The following NXN variants were observed in gnomAD, a reference collection of about 807,000 sequenced individuals.
The protein encoded by NXN is nucleoredoxin 1.
In NXN, 16 loss-of-function variants were observed where a neutral mutation model predicts 48.6. The ratio of observed to expected loss-of-function variants is 0.33; its 90% confidence interval spans 0.22 to 0.50. The LOEUF (loss-of-function observed/expected upper bound fraction) is 0.50. Ranked by LOEUF, NXN falls within the 20% of genes least tolerant of loss-of-function variation. NXN has a pLI of 0.98. For missense variants in NXN, 492 were observed against 605.5 expected (o/e 0.81, Z 1.97); for synonymous variants, 281 against 269.6 (o/e 1.04, Z -0.41).
chr17:804,251 G>T (rs942637934), intron 6 of NXN, among the ~76,000 whole-genome samples: 1 of 150,110 alleles, frequency 6.7e-6, no homozygotes, highest in African/African-American at 2.4e-5. Flanking sequence ...GGGAGGGGGT[G>T]AGGACTGTGG....
chr17:919,873 T>TC lies in NXN; in HGVS notation c.360+59445_360+59446insG, dbSNP rs1555622447. Reference sequence around the variant, plus strand: ...TAGCTACATAGCTACACCTCCCTCTTGTCACCTTGCAGACTGGTATTCACT... The same window carrying TC: ...TAGCTACATAGCTACACCTCCCTCTTCGTCACCTTGCAGACTGGTATTCACT... On this transcript the variant is annotated intron_variant, in intron 1 of 7. Coordinates refer to ENST00000336868, the MANE Select transcript of NXN (RefSeq NM_022463.5). This position sits in a 1 kb window ranked among gnomAD's most constrained non-coding sequence, Gnocchi z 5.1. Among the ~76,000 whole-genome samples the TC allele has an allele frequency of 2.0e-5, 3 of 152,110 alleles. No individual in the cohort carries two copies. The highest frequency in any genetic ancestry group is 4.4e-5 in the Non-Finnish European group (3 of 68,036).
At chr17:880,094 G>C (rs763968031) in intron 1 of NXN, 1 of 152,142 alleles carries the variant, frequency 6.6e-6, no homozygotes, top group African/African-American at 2.4e-5. Context: ...AAATAAAAAA[G>C]TGAGATCACA....
chr17:812,811 G>C (rs1410853119), intron 5 of NXN, among the ~76,000 whole-genome samples: 1 of 146,094 alleles, frequency 6.8e-6, no homozygotes, highest in African/African-American at 2.5e-5. Context: ...CGTGAGTGTA[G>C]GTGTGTGTGC....
chr17:841,151 C>T (rs143418543), intron 1 of NXN, among the ~76,000 whole-genome samples: 11 of 152,328 alleles, frequency 7.2e-5, no homozygotes, highest in East Asian at 3.9e-4. Flanking sequence ...ATCGTAGGCA[C>T]GAAGGGCTTG....
intron 1 of NXN, among the ~76,000 whole-genome samples, chr17:963,800 G>A (rs28379154): frequency 0.036 from 5,396 of 151,922 alleles, 312 homozygotes; most frequent in African/African-American, 0.12. Context: ...ATGCTGGGCC[G>A]GGCGCGGTGG....
intron 1 of NXN, among the ~76,000 whole-genome samples, chr17:865,306 G>T (rs935060538): frequency 2.0e-5 from 3 of 151,750 alleles, no homozygotes; most frequent in Non-Finnish European, 4.4e-5. Flanking sequence ...GCAATGGCAC[G>T]ATCTTGGCTC....
chr17:871,593 C>T (rs1267853813), intron 1 of NXN, among the ~76,000 whole-genome samples: 2 of 151,628 alleles, frequency 1.3e-5, no homozygotes, highest in Middle Eastern at 3.4e-3. Context: ...TTAGTAGAGA[C>T]GGGGTTTCAC....
At chr17:801,173 G>A in intron 7 of NXN, 42 bp from the exon 8 acceptor site, 1 of 1,459,432 alleles carries the variant, frequency 6.9e-7, no homozygotes, top group East Asian at 2.6e-5. Context: ...AAGTTTTAAA[G>A]AAAGGAGGGG....
chr17:954,072 G>T (rs928870936), intron 1 of NXN, among the ~76,000 whole-genome samples: 1 of 152,122 alleles, frequency 6.6e-6, no homozygotes, highest in Non-Finnish European at 1.5e-5. Flanking sequence ...TGAATAACTG[G>T]CATTAGACAC....
rs57208471 is a variant in NXN at position 959,793 on chromosome 17, TAA to T, written c.360+19524_360+19525del. 1.2e-3 allele frequency among the ~76,000 whole-genome samples: 167 copies of T among 136,174 alleles called. 2 individuals carry two copies. The highest frequency in any genetic ancestry group is 7.5e-3 in the South Asian group (32 of 4,240). 89.3% of individuals were successfully genotyped at this position (136,174 alleles called of 152,430 possible). A position where few individuals can be genotyped will look rare whatever the true frequency, so the allele number is the denominator to read the frequency against. ...TGGGGAACAAGAGCGAGACTCTGTA[TAA>T]AAAAAAAAAAAACAGGGCTGGGTGT... On this transcript the variant is annotated intron_variant, in intron 1 of 7. Transcript: ENST00000336868.
intron 6 of NXN, among the ~76,000 whole-genome samples, chr17:804,767 C>A (rs1055507529): frequency 1.3e-5 from 2 of 152,216 alleles, no homozygotes; most frequent in Non-Finnish European, 2.9e-5. Flanking sequence ...GTGTGTGCCA[C>A]CCGCCCTTTC....
chr17:858,243 T>C (rs1196681134), intron 1 of NXN, among the ~76,000 whole-genome samples: 5 of 152,108 alleles, frequency 3.3e-5, no homozygotes, highest in Non-Finnish European at 1.5e-5. Context: ...GGTCTTGAAC[T>C]CCTGAGTTCC....
At position 917,152 on chromosome 17, in the gene NXN, A is replaced by G. The variant is rs12939284; in HGVS notation, c.360+62167T>C. Among the ~76,000 whole-genome samples the G allele has an allele frequency of 0.73, 110,263 of 151,630 alleles. 40,836 individuals are homozygous for G. Among genetic ancestry groups the G allele is most frequent in the East Asian group, 0.87 (4,489 of 5,156 alleles). On this transcript the variant is annotated intron_variant, in intron 1 of 7. Transcript: ENST00000336868. This position sits in a 1 kb window ranked among gnomAD's most constrained non-coding sequence, Gnocchi z 4.5. ...CAAGGAATGAGGTGTTCCACGCCTG[A>G]GCTCACATCTTTTTTTTTTTTTTCT... is the stretch of plus-strand genomic sequence containing the variant.
rs527796884 is a variant in NXN, at chr17:849,674, C to G, written c.361-23596G>C. On this transcript the variant is annotated intron_variant, in intron 1 of 7. Transcript: ENST00000336868. This position sits in a 1 kb window ranked among gnomAD's most constrained non-coding sequence, Gnocchi z 4.2. The stretch of plus-strand genomic sequence containing the variant: ...GGCCAGCTGCCTCATCCCTTTACCT[C>G]CGCAGACAAGCAATCATCATTTCCT... Among the ~76,000 whole-genome samples, 1 of 152,318 alleles carries G rather than the reference C, an allele frequency of 6.6e-6. No homozygotes were observed. The highest frequency in any genetic ancestry group is 2.1e-4 in the South Asian group (1 of 4,824).
intron 1 of NXN, among the ~76,000 whole-genome samples, chr17:889,608 C>T (rs544903384): frequency 5.3e-5 from 8 of 151,608 alleles, no homozygotes; most frequent in Non-Finnish European, 1.0e-4. Context: ...ACCCGGGAGG[C>T]GGAGGTTGCA....
At chr17:805,741 G>T in intron 5 of NXN, among the ~76,000 whole-genome samples, 1 of 152,198 alleles carries the variant, frequency 6.6e-6, no homozygotes, top group African/African-American at 2.4e-5. Context: ...GGGAGGCTGA[G>T]GCAGGAGAAT....
At chr17:910,229 G>C (rs1372778137) in intron 1 of NXN, among the ~76,000 whole-genome samples, 2 of 152,078 alleles carry the variant, frequency 1.3e-5, no homozygotes, top group African/African-American at 4.8e-5. Context: ...CTGGCCAACA[G>C]GGCGAGACCC....
chr17:835,168 T>G (rs372159247), intron 1 of NXN, among the ~76,000 whole-genome samples: 3 of 150,522 alleles, frequency 2.0e-5, no homozygotes, highest in Middle Eastern at 3.4e-3. Context: ...ATTAGCCGGG[T>G]GTGGTGACGG....
chr17:838,784 G>T (rs752598750), intron 1 of NXN, among the ~76,000 whole-genome samples: 40 of 152,108 alleles, frequency 2.6e-4, no homozygotes, highest in Admixed American at 8.5e-4. Flanking sequence ...CAAACACACT[G>T]AACTATCTCA....
Sources: allele counts gnomAD v4.1 joint callset (sites outside exome capture counted in the v4.1 genomes callset), GRCh38; gene constraint gnomAD v4.1.1; non-coding constraint Gnocchi (gnomAD v3.1); transcripts MANE v1.5; gene names NCBI Gene and HGNC (gene_info 2026-07-23, HGNC 2026-07-21).